Variants in PNKD observed in about 807,000 individuals in gnomAD.
The protein encoded by PNKD is probable thioesterase PNKD.
Under a neutral mutation model 45.3 loss-of-function variants are expected in PNKD, and 36 were observed. That is an observed-to-expected ratio of 0.80 (90% CI 0.61 to 1.05). The LOEUF (loss-of-function observed/expected upper bound fraction) is 1.05, where lower values mean the gene tolerates loss of function less well. Among genes scored for constraint, PNKD ranks in the 50% least tolerant of loss-of-function variants. PNKD has a pLI of 0.00. For missense variants in PNKD, 511 were observed against 506.6 expected (o/e 1.01, Z -0.08); for synonymous variants, 197 against 210.1 (o/e 0.94, Z 0.54).
chr2:218,315,057 T>TCTTTCTTTCTTCTTTCTTC (rs61429059), intron 2 of PNKD, among the ~76,000 whole-genome samples: 1 of 55,544 alleles, frequency 1.8e-5, no homozygotes, highest in African/African-American at 6.0e-5. Flanking sequence ...TTTCTTTCTT[T>TCTTTCTTTCTTCTTTCTTC]CTTCCTTCCT....
At chr2:218,341,851 C>G (rs1452482732) in intron 6 of PNKD, 130 bp from the exon 7 acceptor site, 2 of 834,476 alleles carry the variant, frequency 2.4e-6, no homozygotes, top group Non-Finnish European at 4.0e-6. Context: ...ACCCGAGGCA[C>G]TGGGGTGACT....
At chr2:218,306,671 C>G (rs151262340) in intron 2 of PNKD, among the ~76,000 whole-genome samples, 1 of 152,192 alleles carries the variant, frequency 6.6e-6, no homozygotes, top group African/African-American at 2.4e-5. Flanking sequence ...CCCCCAAACC[C>G]GATTCCACTC....
At position 218,340,104 on chromosome 2, in the gene PNKD, C is replaced by G. The variant is rs1694628440; in HGVS notation, c.428C>G (p.Ala143Gly). The change falls in exon 4 of 10, where the codon GCT (alanine) becomes GGT (glycine). Residue 143 changes from alanine to glycine, a missense_variant. Physicochemically the swap from Ala to Gly is moderately conservative, Grantham distance 60. Coordinates refer to ENST00000273077, the MANE Select transcript of PNKD (RefSeq NM_015488.5). This position sits in a 1 kb window ranked among gnomAD's most constrained non-coding sequence, Gnocchi z 4.2. ...ATCATCGACACCCAGGCCCAGCTGGCTGTGGCTGTGGACCCTTCAGACCCT... is the reference window on the plus strand; with the variant it reads ...ATCATCGACACCCAGGCCCAGCTGGGTGTGGCTGTGGACCCTTCAGACCCT... Reference protein sequence around the residue: ...YLIIDTQAQLAVAVDPSDPRA... With the variant: ...YLIIDTQAQLGVAVDPSDPRA... 1.9e-6 allele frequency: 3 copies of G among 1,613,686 alleles called. No individual in the cohort carries two copies. Among genetic ancestry groups the G allele is most frequent in the African/African-American group, 1.3e-5 (1 of 75,040 alleles).
intron 2 of PNKD, among the ~76,000 whole-genome samples, chr2:218,337,022 A>C (rs755972489): frequency 1.3e-5 from 2 of 151,674 alleles, no homozygotes; most frequent in African/African-American, 4.8e-5. Flanking sequence ...CTGGTCTCCA[A>C]TTCCTGACCT....
Position 218,326,967 on chromosome 2 carries a change from A to T in PNKD, c.237-12816A>T, listed in dbSNP as rs144533893. On this transcript the variant is annotated intron_variant, in intron 2 of 9. Transcript: ENST00000273077. The surrounding 1 kb of genome is among the most constrained non-coding windows in gnomAD (Gnocchi z 4.1). ...TGGGGAGTCAGATCAGGAATGTGGG[A>T]CTCCCCCGTGCGTGCCCCCTGCTTC... 6.6e-6 allele frequency: 1 copy of T among 151,652 alleles called. No homozygotes were observed. The highest frequency in any genetic ancestry group is 2.4e-5 in the African/African-American group (1 of 41,128). The allele number at this position is 151,652 out of a possible 1,614,324, so 9.4% of individuals were successfully genotyped here.
intron 2 of PNKD, among the ~76,000 whole-genome samples, chr2:218,283,834 AG>A (rs1329244980): frequency 1.3e-5 from 2 of 152,090 alleles, no homozygotes; most frequent in Non-Finnish European, 1.5e-5. Context: ...ATCTCCCTAG[AG>A]GGGCTGGGAT....
In PNKD at chr2:218,301,112, T is replaced by C. The variant is rs888049291; in HGVS notation, c.236+29563T>C. ...AGAAAGTAGAGGAATAAAGAATGGC[T>C]ACTCCATAGACAGAGCAGCCAATGT... On this transcript the variant is annotated intron_variant, in intron 2 of 9. Transcript: ENST00000273077. Among the ~76,000 whole-genome samples, 16 of 152,210 alleles carry C rather than the reference T, an allele frequency of 1.1e-4. 1 individual carries two copies. The highest frequency in any genetic ancestry group is 8.5e-4 in the Admixed American group (13 of 15,276).
intron 2 of PNKD, among the ~76,000 whole-genome samples, chr2:218,333,821 C>A (rs1028873918): frequency 2.0e-5 from 3 of 151,634 alleles, no homozygotes; most frequent in Non-Finnish European, 2.9e-5. Flanking sequence ...TATTTTTTAA[C>A]TTTTCATTTT....
rs866547669 is a variant in PNKD at position 218,270,695 on chromosome 2, T to C, written c.67+93T>C. ...GATAGCAGGAGGTCAGGGCTCTTGG[T>C]TCCTCCCCACACTTTTCTGCAAGAT... On this transcript the variant is annotated intron_variant, in intron 1 of 9. Transcript: ENST00000273077. 9.1e-6 allele frequency: 4 copies of C among 438,010 alleles called. No individual in the cohort carries two copies. In the Middle Eastern group the frequency reaches 1.2e-3, roughly 134 times the overall value. The allele number at this position is 438,010 out of a possible 1,614,324, so 27.1% of individuals were successfully genotyped here.
At chr2:218,283,720 C>G (rs1036994140) in intron 2 of PNKD, among the ~76,000 whole-genome samples, 26 of 152,112 alleles carry the variant, frequency 1.7e-4, no homozygotes, top group African/African-American at 6.3e-4. Context: ...TTTATGACAA[C>G]TGGGATAATT....
chr2:218,307,914 T>C (rs1232418651), intron 2 of PNKD, among the ~76,000 whole-genome samples: 1 of 151,832 alleles, frequency 6.6e-6, no homozygotes, highest in Non-Finnish European at 1.5e-5. Flanking sequence ...CAATGACAAA[T>C]GGGTTTGACC....
At chr2:218,304,345 T>A (rs1336182032) in intron 2 of PNKD, among the ~76,000 whole-genome samples, 1 of 152,068 alleles carries the variant, frequency 6.6e-6, no homozygotes, top group Non-Finnish European at 1.5e-5. Context: ...GGTTTCACCA[T>A]GTTGACCAGG....
At chr2:218,271,609 C>A in intron 2 of PNKD, 60 bp downstream of exon 2, 3 of 1,456,398 alleles carry the variant, frequency 2.1e-6, no homozygotes, top group Non-Finnish European at 1.9e-6. Context: ...GAGGGCAGGA[C>A]TTAGAAACTT....
intron 2 of PNKD, among the ~76,000 whole-genome samples, chr2:218,336,553 T>A (rs1694497167): frequency 6.6e-6 from 1 of 152,068 alleles, no homozygotes; most frequent in Non-Finnish European, 1.5e-5. Flanking sequence ...CAAACATGGC[T>A]CACTGCAGCC....
chr2:218,273,476 C>T (rs1487516595), intron 2 of PNKD, among the ~76,000 whole-genome samples: 12 of 86,864 alleles, frequency 1.4e-4, no homozygotes, highest in Admixed American at 8.0e-4. Context: ...TTTTTTTTTA[C>T]TTATTTTTTT....
intron 2 of PNKD, among the ~76,000 whole-genome samples, chr2:218,329,744 C>G (rs1438665379): frequency 6.6e-6 from 1 of 152,254 alleles, no homozygotes; most frequent in African/African-American, 2.4e-5. Context: ...CGGGGAAACC[C>G]TTACCCTCAA....
rs34887009 is a variant in PNKD, at chr2:218,293,580, C to CTTT, written c.236+22051_236+22053dup. Among the ~76,000 whole-genome samples the CTTT allele has an allele frequency of 4.8e-3, 474 of 98,592 alleles. 22 individuals carry two copies. The highest frequency in any genetic ancestry group is 7.6e-3 in the Middle Eastern group (1 of 132). 64.7% of individuals were successfully genotyped at this position (98,592 alleles called of 152,430 possible). On this transcript the variant is annotated intron_variant, in intron 2 of 9. Coordinates refer to ENST00000273077, the MANE Select transcript of PNKD (RefSeq NM_015488.5). ...CAGCACCACACCACCACTGAATGTC[C>CTTT]TTTTTTTTTTTTTTTTTTTTTTCCA...
chr2:218,319,293 T>C (rs1395106680), intron 2 of PNKD, among the ~76,000 whole-genome samples: 1 of 151,532 alleles, frequency 6.6e-6, no homozygotes, highest in Non-Finnish European at 1.5e-5. Context: ...AGTTTTTCAA[T>C]TTGCGTATGT....
chr2:218,283,400 T>TC (rs1417743724), intron 2 of PNKD, among the ~76,000 whole-genome samples: 1 of 152,188 alleles, frequency 6.6e-6, no homozygotes, highest in Non-Finnish European at 1.5e-5. Flanking sequence ...CCAGTTACTG[T>TC]CCTCTGGGCC....
Sources: gnomAD v4.1 joint callset for allele counts (sites outside exome capture counted in the v4.1 genomes callset) on GRCh38, gnomAD v4.1.1 for gene constraint, Gnocchi (gnomAD v3.1) non-coding constraint, MANE v1.5 for transcripts, NCBI Gene and HGNC (gene_info 2026-07-23, HGNC 2026-07-21) for gene names.